FAM209B: variants seen among roughly 807,000 people sequenced by gnomAD.
The protein encoded by FAM209B is protein FAM209B.
Under a neutral mutation model 8.9 loss-of-function variants are expected in FAM209B, and 8 were observed. The ratio of observed to expected loss-of-function variants is 0.90; its 90% CI spans 0.53 to 1.62. The LOEUF is 1.62. Ranked by LOEUF, FAM209B falls within the 40% of genes most tolerant of loss-of-function variation. The pLI is 0.00. For missense variants in FAM209B, 175 were observed against 205.3 expected (o/e 0.85, Z 0.90); for synonymous variants, 67 against 75.0 (o/e 0.89, Z 0.55).
rs528572857 is a variant in FAM209B at position 56,536,497 on chromosome 20, A to G, written c.*59A>G. 4.8e-4 allele frequency: 713 copies of G among 1,489,126 alleles called. No individual in the cohort carries two copies. Among genetic ancestry groups the G allele is most frequent in the Admixed American group, 1.1e-3 (45 of 41,330 alleles). 92.2% of individuals were successfully genotyped at this position (1,489,126 alleles called of 1,614,324 possible). On this transcript the variant is annotated 3_prime_UTR_variant, in exon 2 of 2. Coordinates refer to ENST00000371325, the MANE Select transcript of FAM209B (RefSeq NM_001013646.4). ...GTGTTGACAAACTGTATGCAAACTA[A>G]TAAAACTATTCTGAAGAAAAGAACT...
chr20:56,535,528 T>C (rs1014353158), intron 1 of FAM209B, among the ~76,000 whole-genome samples: 3 of 151,312 alleles, frequency 2.0e-5, no homozygotes, highest in Non-Finnish European at 4.4e-5. Context: ...GAGGCAGAGG[T>C]TGCAGTGAAC....
Position 56,533,482 on chromosome 20 carries a change from C to A in FAM209B, c.141C>A (p.Asn47Lys). ...GAGAGCACTTTCGGATTCGGCAGAACCTACCAGAGCACACCCAAGGCTGGC... is the reference window on the plus strand; with the variant it reads ...GAGAGCACTTTCGGATTCGGCAGAAACTACCAGAGCACACCCAAGGCTGGC... ...PCGEHFRIRQ[N>K]LPEHTQGWLG... The change falls in exon 1 of 2, where the codon AAC becomes AAA. Residue 47 changes from asparagine (N) to lysine (K), a missense_variant. Coordinates refer to ENST00000371325, the MANE Select transcript of FAM209B (RefSeq NM_001013646.4). The A allele has an allele frequency of 6.2e-7, 1 of 1,609,332 alleles. No homozygotes were observed. The highest frequency in any genetic ancestry group is 8.5e-7 in the Non-Finnish European group (1 of 1,176,488).
rs776087915 is a variant in FAM209B at position 56,533,585 on chromosome 20, A to G, written c.244A>G (p.Asn82Asp). The change falls in exon 1 of 2, where the codon AAT (asparagine) becomes GAT (aspartate). Residue 82 changes from asparagine (N) to aspartate (D), a missense_variant. Asn to Asp is a conservative substitution (Grantham distance 23). Around this residue, in one of 2 missense-constraint regions of FAM209B, gnomAD observed 166 missense variants for 174.5 expected, o/e 0.95. Transcript: ENST00000371325. ...ILQCQRDSEK[N>D]KEQSPPGLRG... Reference sequence around the variant, plus strand: ...GCAGTGTCAAAGAGACAGTGAGAAGAATAAGGTAAGGATGGCTCCATTTTT... The same window carrying G: ...GCAGTGTCAAAGAGACAGTGAGAAGGATAAGGTAAGGATGGCTCCATTTTT... The G allele has an allele frequency of 6.2e-7, 1 of 1,614,130 alleles. No individual in the cohort carries two copies.
chr20:56,535,913 TCTTC>T (rs1985956943), intron 1 of FAM209B, among the ~76,000 whole-genome samples: 1 of 152,156 alleles, frequency 6.6e-6, no homozygotes, highest in African/African-American at 2.4e-5. Flanking sequence ...GGCAGTACGG[TCTTC>T]CTTGCAACTA....
At chr20:56,534,772 A>T (rs1440094323) in intron 1 of FAM209B, among the ~76,000 whole-genome samples, 1 of 127,488 alleles carries the variant, frequency 7.8e-6, no homozygotes, top group Non-Finnish European at 1.7e-5. Flanking sequence ...AAAAAAAAAA[A>T]GCTGGGCCCA....
rs1270052191 is a variant in FAM209B at position 56,533,384 on chromosome 20, A to G, written c.43A>G (p.Thr15Ala). Residue 15 changes from threonine to alanine, a missense_variant, in exon 1 of 2, where the codon ACC (threonine) becomes GCC (alanine). Thr to Ala is a moderately conservative substitution (Grantham distance 58). This residue lies in a region of FAM209B where 9 missense variants were observed against 30.8 expected (regional missense o/e 0.29). Coordinates refer to ENST00000371325, the MANE Select transcript of FAM209B (RefSeq NM_001013646.4). ...GTCCCTGGTCCTGCTTCTGTGCCTC[A>G]CCTGCAGCTATGCCTTTATGTTCTC... Reference protein sequence around the residue: ...KSSLVLLLCLTCSYAFMFSSL... With the variant: ...KSSLVLLLCLACSYAFMFSSL... 1.2e-6 allele frequency: 2 copies of G among 1,614,020 alleles called. No homozygotes were observed. Among genetic ancestry groups the G allele is most frequent in the Admixed American group, 3.3e-5 (2 of 59,980 alleles).
At chr20:56,535,971 G>C (rs1203398123) in intron 1 of FAM209B, among the ~76,000 whole-genome samples, 1 of 152,148 alleles carries the variant, frequency 6.6e-6, no homozygotes, top group Non-Finnish European at 1.5e-5. Context: ...AAACAATATA[G>C]AAATGAGTGA....
At chr20:56,534,064 A>G (rs73614309) in intron 1 of FAM209B, among the ~76,000 whole-genome samples, 3 of 151,602 alleles carry the variant, frequency 2.0e-5, no homozygotes, top group Non-Finnish European at 2.9e-5. Flanking sequence ...GCTGAGGCAG[A>G]AGAATGGCTT....
intron 1 of FAM209B, among the ~76,000 whole-genome samples, chr20:56,533,801 G>A (rs1485702155): frequency 6.6e-6 from 1 of 152,172 alleles, no homozygotes; most frequent in Non-Finnish European, 1.5e-5. Flanking sequence ...AGTGGAAGAT[G>A]ACCTCTAGTT....
Position 56,536,380 on chromosome 20 carries a change from C to T in FAM209B, c.458C>T (p.Pro153Leu), listed in dbSNP as rs377729703. 6.2e-7 allele frequency: 1 copy of T among 1,613,928 alleles called. No individual in the cohort carries two copies. The highest frequency in any genetic ancestry group is 1.1e-5 in the South Asian group (1 of 91,038). The change falls in exon 2 of 2, where the codon CCT becomes CTT. Residue 153 changes from proline (P) to leucine (L), a missense_variant. Physicochemically the swap from Pro to Leu is moderately conservative, Grantham distance 98 (BLOSUM62 -3). Transcript: ENST00000371325. ...SNLKLRRSEM[P>L]ADPYHVTICK... ...CTCAAGCTTCGAAGGTCAGAGATGC[C>T]TGCAGATCCATACCATGTCACAATC...
Position 56,533,546 on chromosome 20 carries a change from C to A in FAM209B, c.205C>A (p.Pro69Thr), listed in dbSNP as rs1162025304. 1.9e-6 allele frequency: 3 copies of A among 1,613,978 alleles called. No homozygotes were observed. In the Admixed American group the frequency reaches 5.0e-5, roughly 27 times the overall value. Reference protein sequence around the residue: ...KWLWLLFAVVPFVILQCQRDS... With the variant: ...KWLWLLFAVVTFVILQCQRDS... ...GCTCTGGCTTTTGTTTGCTGTTGTG[C>A]CGTTTGTGATACTGCAGTGTCAAAG... Residue 69 changes from proline to threonine, a missense_variant, in exon 1 of 2, where the codon CCG (proline) becomes ACG (threonine). Physicochemically the swap from Pro to Thr is conservative, Grantham distance 38 (BLOSUM62 -1). Around this residue, in one of 2 missense-constraint regions of FAM209B, gnomAD observed 166 missense variants for 174.5 expected, o/e 0.95. Transcript: ENST00000371325.
Position 56,533,475 on chromosome 20 carries a change from G to A in FAM209B, c.134G>A (p.Arg45Gln), listed in dbSNP as rs767257301. 11 of 1,613,992 alleles carry A rather than the reference G, an allele frequency of 6.8e-6. No individual in the cohort carries two copies. Among genetic ancestry groups the A allele is most frequent in the South Asian group, 5.5e-5 (5 of 91,082 alleles). ...KVPCGEHFRI[R>Q]QNLPEHTQGW... Reference sequence around the variant, plus strand: ...CCGTGTGGAGAGCACTTTCGGATTCGGCAGAACCTACCAGAGCACACCCAA... The same window carrying A: ...CCGTGTGGAGAGCACTTTCGGATTCAGCAGAACCTACCAGAGCACACCCAA... The change falls in exon 1 of 2, where the codon CGG (arginine) becomes CAG (glutamine). Residue 45 changes from arginine (R) to glutamine (Q), a missense_variant. Around this residue, in one of 2 missense-constraint regions of FAM209B, gnomAD observed 166 missense variants for 174.5 expected, o/e 0.95. Transcript: ENST00000371325.
At chr20:56,535,030 CAA>C (rs1185813598) in intron 1 of FAM209B, among the ~76,000 whole-genome samples, 1 of 146,594 alleles carries the variant, frequency 6.8e-6, no homozygotes, top group Non-Finnish European at 1.5e-5. Flanking sequence ...GCCTGGGCAA[CAA>C]GAGCAAAACT....
intron 1 of FAM209B, among the ~76,000 whole-genome samples, chr20:56,535,008 C>T: frequency 6.7e-6 from 1 of 150,244 alleles, no homozygotes; most frequent in East Asian, 2.0e-4. Flanking sequence ...GAAACTGCGC[C>T]ATTGCCCTCC....
Sources: gnomAD v4.1 joint callset for allele counts (sites outside exome capture counted in the v4.1 genomes callset) on GRCh38, gnomAD v4.1.1 for gene constraint, gnomAD v4.1.1 regional missense constraint, MANE v1.5 for transcripts, NCBI Gene and HGNC (gene_info 2026-07-23, HGNC 2026-07-21) for gene names.